NCAM2: variants seen among roughly 807,000 people sequenced by gnomAD.
NCAM2 encodes neural cell adhesion molecule 2, also known as N-CAM-2.
In NCAM2, 30 loss-of-function variants were observed where a neutral mutation model predicts 98.1. The observed-to-expected ratio is 0.31, with a 90% CI of 0.23 to 0.41. NCAM2 has a LOEUF of 0.41. NCAM2 is among the 10% of genes least tolerant of loss of function. The pLI, the probability that NCAM2 is intolerant of heterozygous loss-of-function variation, is 1.00. For synonymous variants in NCAM2, 368 were observed against 342.4 expected, an observed-to-expected ratio of 1.07 and a Z score of -0.83; for missense variants, 867 against 1,005.8, an observed-to-expected ratio of 0.86 and a Z score of 1.87.
chr21:21,087,053 TTA>T (rs1164831025), intron 1 of NCAM2, among the ~76,000 whole-genome samples: 1 of 151,558 alleles, frequency 6.6e-6, no homozygotes, highest in Admixed American at 6.6e-5. Context: ...ACATGAAAGT[TTA>T]TGTTAAGATT....
chr21:21,308,785 A>G (rs1280307106), intron 5 of NCAM2, among the ~76,000 whole-genome samples: 3 of 151,500 alleles, frequency 2.0e-5, no homozygotes, highest in African/African-American at 7.3e-5. Flanking sequence ...CTTATCTTTC[A>G]TTTTCCGGAT....
chr21:21,537,493 T>G (rs563724344), intron 17 of NCAM2, among the ~76,000 whole-genome samples: 1 of 152,304 alleles, frequency 6.6e-6, no homozygotes, highest in Admixed American at 6.5e-5. Context: ...ATTTTGGAGA[T>G]CAACAACTAG....
intron 1 of NCAM2, among the ~76,000 whole-genome samples, chr21:21,265,259 A>G (rs904975658): frequency 2.3e-5 from 3 of 129,000 alleles, no homozygotes; most frequent in African/African-American, 5.6e-5. Context: ...ATATATACGT[A>G]TATACACACA....
intron 12 of NCAM2, among the ~76,000 whole-genome samples, chr21:21,449,738 C>T (rs1158638423): frequency 6.6e-6 from 1 of 151,948 alleles, no homozygotes; most frequent in Non-Finnish European, 1.5e-5. Flanking sequence ...ATTATTCACT[C>T]AATGGCTTAA....
At chr21:21,042,151 T>G (rs1236812791) in intron 1 of NCAM2, among the ~76,000 whole-genome samples, 3 of 152,138 alleles carry the variant, frequency 2.0e-5, no homozygotes, top group African/African-American at 7.2e-5. Context: ...AATAGACTGC[T>G]CTGTGGAATA....
chr21:21,478,758 T>C (rs1025895301), intron 15 of NCAM2, among the ~76,000 whole-genome samples: 1 of 152,182 alleles, frequency 6.6e-6, no homozygotes, highest in Non-Finnish European at 1.5e-5. Context: ...GATTATGTCA[T>C]TTTATTCTTA....
chr21:21,246,434 AAATC>A (rs1568827492), intron 1 of NCAM2, among the ~76,000 whole-genome samples: 2 of 152,332 alleles, frequency 1.3e-5, no homozygotes, highest in East Asian at 3.9e-4. Flanking sequence ...GATAGATGAT[AAATC>A]AGAGAGAAGT....
chr21:21,195,565 A>G (rs1268260821), intron 1 of NCAM2, among the ~76,000 whole-genome samples: 1 of 152,220 alleles, frequency 6.6e-6, no homozygotes. Flanking sequence ...CAAAATTGAC[A>G]TTAATATAAC....
Position 21,227,957 on chromosome 21 carries a change from T to C in NCAM2, c.56-52621T>C, listed in dbSNP as rs529998088. On this transcript the variant is annotated intron_variant, in intron 1 of 17. Transcript: ENST00000400546. ...ACTAATGACTTTTAATGAATTTGAT[T>C]TCATAAAATTTAAAAATTCCTGTGA... Among the ~76,000 whole-genome samples, 10 of 151,838 alleles carry C rather than the reference T, an allele frequency of 6.6e-5. No individual in the cohort carries two copies. The South Asian group carries it at 2.1e-3, about 31-fold the overall frequency.
chr21:21,315,293 G>A (rs1036745438), intron 5 of NCAM2, among the ~76,000 whole-genome samples: 7 of 152,256 alleles, frequency 4.6e-5, no homozygotes, highest in African/African-American at 1.7e-4. Flanking sequence ...ATAAGCACAG[G>A]TCAGGACAGA....
intron 1 of NCAM2, among the ~76,000 whole-genome samples, chr21:21,190,902 A>C (rs1273237553): frequency 1.3e-5 from 2 of 152,182 alleles, no homozygotes; most frequent in African/African-American, 2.4e-5. Context: ...AAGTTCCACA[A>C]AATTATTGTT....
chr21:21,307,459 A>C (rs1256141647), intron 5 of NCAM2, among the ~76,000 whole-genome samples: 1 of 152,164 alleles, frequency 6.6e-6, no homozygotes, highest in Non-Finnish European at 1.5e-5. Flanking sequence ...TTGTGGCTCA[A>C]AACAGCAGAA....
intron 1 of NCAM2, among the ~76,000 whole-genome samples, chr21:21,047,814 T>A (rs2065030453): frequency 6.6e-6 from 1 of 152,196 alleles, no homozygotes; most frequent in Non-Finnish European, 1.5e-5. Context: ...TCTGATTTTT[T>A]TCATCTTGCC....
At chr21:21,335,467 C>G in intron 6 of NCAM2, 38 bp from the exon 7 acceptor site, 1 of 1,537,258 alleles carries the variant, frequency 6.5e-7, no homozygotes, top group Non-Finnish European at 8.7e-7. Context: ...AATTATAAAG[C>G]CAGATCTGTG....
At chr21:21,017,424 C>CAAAAAAAAAAAAAAAA (rs11461275) in intron 1 of NCAM2, among the ~76,000 whole-genome samples, 22 of 58,766 alleles carry the variant, frequency 3.7e-4, no homozygotes, top group Admixed American at 7.3e-4. Context: ...GACTCTGTCT[C>CAAAAAAAAAAAAAAAA]AAAAAAAAAA....
intron 1 of NCAM2, among the ~76,000 whole-genome samples, chr21:21,257,488 A>G (rs943004693): frequency 6.6e-6 from 1 of 152,224 alleles, no homozygotes; most frequent in Admixed American, 6.5e-5. Context: ...CAATTTAACA[A>G]TGTCTTCAAA....
In NCAM2 at chr21:21,539,086, G is replaced by C. The variant is rs894587216; in HGVS notation, c.*1129G>C. ...TATGTGTTCTATTCCGGATGTTCTA[G>C]CTAGAAGTCATTTTAAGATTTTGAT... On this transcript the variant is annotated 3_prime_UTR_variant, in exon 18 of 18. Transcript: ENST00000400546. 3.9e-5 allele frequency: 6 copies of C among 152,118 alleles called. No homozygotes were observed. The highest frequency in any genetic ancestry group is 1.5e-5 in the Non-Finnish European group (1 of 68,006). 9.4% of individuals were successfully genotyped at this position (152,118 alleles called of 1,614,324 possible).
At chr21:21,253,080 A>G (rs2071532523) in intron 1 of NCAM2, among the ~76,000 whole-genome samples, 1 of 152,252 alleles carries the variant, frequency 6.6e-6, no homozygotes, top group African/African-American at 2.4e-5. Context: ...AGAAACCGAC[A>G]TCATTGAACT....
intron 1 of NCAM2, among the ~76,000 whole-genome samples, chr21:21,054,047 A>G (rs1266030383): frequency 6.6e-6 from 1 of 151,794 alleles, no homozygotes; most frequent in East Asian, 1.9e-4. Context: ...TTTACTCCAT[A>G]CCAACATCCA....
Sources: gnomAD v4.1 joint callset for allele counts (sites outside exome capture counted in the v4.1 genomes callset) on GRCh38, gnomAD v4.1.1 for gene constraint, MANE v1.5 for transcripts, NCBI Gene and HGNC (gene_info 2026-07-23, HGNC 2026-07-21) for gene names.